AGBL1: variants seen among roughly 807,000 people sequenced by gnomAD.
AGBL1 encodes the protein cytosolic carboxypeptidase 4.
A neutral mutation model predicts 118.9 loss-of-function variants in AGBL1; 130 were observed. The ratio of observed to expected loss-of-function variants is 1.09; its 90% CI spans 0.95 to 1.26. AGBL1 has a LOEUF of 1.26. AGBL1 is among the 50% of genes most tolerant of loss of function. The pLI, the probability that AGBL1 is intolerant of heterozygous loss-of-function variation, is 0.00. For missense variants in AGBL1, 1,584 were observed against 1,298.1 expected, an observed-to-expected ratio of 1.22 and a Z score of -3.38; for synonymous variants, 555 against 478.9, an observed-to-expected ratio of 1.16 and a Z score of -2.08.
At chr15:86,617,313 ACT>A (rs1197447972) in intron 21 of AGBL1, among the ~76,000 whole-genome samples, 1 of 152,200 alleles carries the variant, frequency 6.6e-6, no homozygotes, top group Non-Finnish European at 1.5e-5. Context: ...TTTCAGAGTC[ACT>A]GTTTTCTTCT....
At chr15:86,526,602 G>A (rs2083269314) in intron 19 of AGBL1, among the ~76,000 whole-genome samples, 3 of 140,448 alleles carry the variant, frequency 2.1e-5, no homozygotes. Context: ...TGTATATAGT[G>A]TATATATATA....
chr15:86,137,301 C>T (rs1441133654), intron 1 of AGBL1, among the ~76,000 whole-genome samples: 2 of 152,200 alleles, frequency 1.3e-5, no homozygotes, highest in Non-Finnish European at 2.9e-5. Context: ...TGGCAGGACC[C>T]TGTGGGTGAG....
chr15:87,018,469 T>TA (rs764190586), intron 24 of AGBL1, among the ~76,000 whole-genome samples: 37 of 151,942 alleles, frequency 2.4e-4, no homozygotes, highest in Non-Finnish European at 5.3e-4. Flanking sequence ...TCAACATTCT[T>TA]AAAAAAAATT....
chr15:86,765,132 G>A lies in AGBL1; in HGVS notation c.3158+90696G>A, dbSNP rs537009795. Reference sequence around the variant, plus strand: ...CATTGCAGATCCATAAGGATTACATGTGTGGTTTTCCATATTTGAAGATGA... The same window carrying A: ...CATTGCAGATCCATAAGGATTACATATGTGGTTTTCCATATTTGAAGATGA... On this transcript the variant is annotated intron_variant, in intron 22 of 22. Coordinates refer to ENST00000614907, the MANE Select transcript of AGBL1 (RefSeq NM_001386094.1). 3.9e-5 allele frequency among the ~76,000 whole-genome samples: 6 copies of A among 152,128 alleles called. No homozygotes were observed. In the South Asian group the frequency reaches 1.2e-3, roughly 32 times the overall value.
chr15:86,374,700 G>A (rs1482431700), intron 17 of AGBL1, among the ~76,000 whole-genome samples: 4 of 152,198 alleles, frequency 2.6e-5, no homozygotes, highest in Admixed American at 2.0e-4. Flanking sequence ...TTTAGCTCCT[G>A]ATTTGCTCCA....
intron 22 of AGBL1, among the ~76,000 whole-genome samples, chr15:86,741,199 C>A (rs1424209732): frequency 6.6e-6 from 1 of 151,556 alleles, no homozygotes; most frequent in Admixed American, 6.6e-5. Context: ...GTACAGAGGA[C>A]TTTTCGTTCC....
At chr15:86,596,515 C>T (rs147204381) in intron 21 of AGBL1, among the ~76,000 whole-genome samples, 1 of 152,298 alleles carries the variant, frequency 6.6e-6, no homozygotes, top group Admixed American at 6.5e-5. Flanking sequence ...GATCTTCTTC[C>T]AGTACATCTC....
intron 22 of AGBL1, among the ~76,000 whole-genome samples, chr15:86,877,444 G>C (rs1212417818): frequency 6.6e-6 from 1 of 152,164 alleles, no homozygotes; most frequent in Admixed American, 6.5e-5. Flanking sequence ...ATTAAGTTGT[G>C]TTCTTGGAGA....
At chr15:86,245,283 A>G (rs1189670415) in intron 6 of AGBL1, among the ~76,000 whole-genome samples, 1 of 152,198 alleles carries the variant, frequency 6.6e-6, no homozygotes, top group Non-Finnish European at 1.5e-5. Context: ...GAGAAATCTG[A>G]CTTTGAGATG....
chr15:86,785,296 C>T (rs753569789), intron 22 of AGBL1, among the ~76,000 whole-genome samples: 1 of 149,998 alleles, frequency 6.7e-6, no homozygotes, highest in Admixed American at 6.6e-5. Context: ...GGCTGACCGT[C>T]GGAATCCTTT....
At chr15:86,219,976 G>A (rs1167010560) in intron 5 of AGBL1, among the ~76,000 whole-genome samples, 2 of 113,712 alleles carry the variant, frequency 1.8e-5, no homozygotes, top group Non-Finnish European at 3.5e-5. Context: ...TTTTTAGATG[G>A]AGTTTCACTC....
intron 22 of AGBL1, among the ~76,000 whole-genome samples, chr15:86,676,962 GC>G (rs1596360368): frequency 6.6e-6 from 1 of 152,206 alleles, no homozygotes; most frequent in East Asian, 1.9e-4. Context: ...GTTGCAGTGA[GC>G]CAAGATCATG....
intron 23 of AGBL1, among the ~76,000 whole-genome samples, chr15:86,926,072 G>T (rs570510658): frequency 1.3e-5 from 2 of 152,032 alleles, no homozygotes; most frequent in Non-Finnish European, 2.9e-5. Context: ...GAAGGAAAAC[G>T]TCAATATCTG....
At chr15:86,524,980 A>T (rs1038238100) in intron 19 of AGBL1, among the ~76,000 whole-genome samples, 4 of 152,228 alleles carry the variant, frequency 2.6e-5, no homozygotes, top group Non-Finnish European at 5.9e-5. Flanking sequence ...TGCTAATGAT[A>T]TGATCATATA....
chr15:86,537,521 T>A (rs1362975574), intron 19 of AGBL1, among the ~76,000 whole-genome samples: 1 of 152,218 alleles, frequency 6.6e-6, no homozygotes, highest in Non-Finnish European at 1.5e-5. Flanking sequence ...ATAAGTGCCT[T>A]CTCAGGGCAT....
chr15:86,685,028 T>A (rs2142580204), intron 22 of AGBL1, among the ~76,000 whole-genome samples: 1 of 152,152 alleles, frequency 6.6e-6, no homozygotes, highest in Non-Finnish European at 1.5e-5. Context: ...AAACAAGCAA[T>A]GAGAAAAAGA....
rs189853149 is a variant in AGBL1, at chr15:87,003,893, T to C, written c.3323+15805T>C. On this transcript the variant is annotated intron_variant, in intron 24 of 24. Coordinates refer to the AGBL1 transcript ENST00000441037. ...TAGTCTTGCTAGTGGTCTATCAATT[T>C]GTTGATCTTTTCAAAAAACCAGCTC... is the stretch of plus-strand genomic sequence containing the variant. Among the ~76,000 whole-genome samples, 71 of 152,272 alleles carry C rather than the reference T, an allele frequency of 4.7e-4. 1 individual carries two copies. In the South Asian group the frequency reaches 0.014, roughly 31 times the overall value.
intron 22 of AGBL1, among the ~76,000 whole-genome samples, chr15:86,726,901 CAGTT>C (rs2086827530): frequency 6.6e-6 from 1 of 152,248 alleles, no homozygotes. Flanking sequence ...GTTTTAGTGG[CAGTT>C]AGTTTCTGAC....
chr15:86,213,640 T>C (rs1157067141), intron 5 of AGBL1, among the ~76,000 whole-genome samples: 1 of 152,178 alleles, frequency 6.6e-6, no homozygotes, highest in African/African-American at 2.4e-5. Flanking sequence ...GAGCACTTTG[T>C]AGGTCTTTGC....
Sources: gnomAD v4.1 joint callset for allele counts (sites outside exome capture counted in the v4.1 genomes callset) on GRCh38, gnomAD v4.1.1 for gene constraint, MANE v1.5 for transcripts, NCBI Gene and HGNC (gene_info 2026-07-23, HGNC 2026-07-21) for gene names.